The following LEPR variants were observed in gnomAD, a reference collection of about 807,000 sequenced individuals.
LEPR encodes the protein OB receptor.
Under a neutral mutation model 114.7 loss-of-function variants are expected in LEPR, and 56 were observed. The observed-to-expected ratio is 0.49, with a 90% CI of 0.39 to 0.61. The LOEUF is 0.61. Ranked by LOEUF, LEPR falls within the 20% of genes least tolerant of loss-of-function variation. LEPR has a pLI of 0.00. For missense variants in LEPR, 1,202 were observed against 1,352.9 expected, an observed-to-expected ratio of 0.89 and a Z score of 1.75; for synonymous variants, 443 against 461.4, an observed-to-expected ratio of 0.96 and a Z score of 0.51.
At chr1:65,516,704 C>T (rs1278094850) in intron 2 of LEPR, among the ~76,000 whole-genome samples, 3 of 152,152 alleles carry the variant, frequency 2.0e-5, no homozygotes, top group Admixed American at 6.5e-5. Context: ...CAACTCAGTG[C>T]GTAAGAAGGC....
At chr1:65,502,623 A>G (rs1320594138) in intron 2 of LEPR, among the ~76,000 whole-genome samples, 2 of 152,206 alleles carry the variant, frequency 1.3e-5, no homozygotes, top group African/African-American at 4.8e-5. Flanking sequence ...TAAGTGCTAC[A>G]GAGAAAAGAA....
At chr1:65,512,020 C>T (rs1301784348) in intron 2 of LEPR, among the ~76,000 whole-genome samples, 1 of 152,104 alleles carries the variant, frequency 6.6e-6, no homozygotes, top group Non-Finnish European at 1.5e-5. Context: ...AGGAAGCTTC[C>T]AATCATGGCA....
In LEPR at chr1:65,464,609, C is replaced by T. The variant is rs950443003; in HGVS notation, c.-21+39231C>T. 1.1e-4 allele frequency among the ~76,000 whole-genome samples: 16 copies of T among 152,284 alleles called. No individual in the cohort carries two copies. In the East Asian group the frequency reaches 2.9e-3, roughly 28 times the overall value. On this transcript the variant is annotated intron_variant, in intron 2 of 19. Transcript: ENST00000349533. Reference sequence around the variant, plus strand: ...AGTTTCAGAAGGAATAGTACCAGCTCCTTTTTGCACCTCTGGTAGAATTTG... The same window carrying T: ...AGTTTCAGAAGGAATAGTACCAGCTTCTTTTTGCACCTCTGGTAGAATTTG...
At chr1:65,437,889 A>T (rs1338709366) in intron 2 of LEPR, among the ~76,000 whole-genome samples, 2 of 10 alleles carry the variant, frequency 0.2, no homozygotes, top group African/African-American at 0.5. Context: ...GGCTCACTGC[A>T]AACCTTAACC....
chr1:65,628,132 GCC>G (rs1658326941), intron 19 of LEPR, among the ~76,000 whole-genome samples: 1 of 152,078 alleles, frequency 6.6e-6, no homozygotes, highest in South Asian at 2.1e-4. Context: ...ACCACTATAT[GCC>G]AGACATTGCT....
chr1:65,633,740 G>T lies in LEPR; in HGVS notation c.2674-2451G>T. On this transcript the variant is annotated intron_variant, in intron 19 of 19. Transcript: ENST00000349533. The surrounding 1 kb of genome is among the most constrained non-coding windows in gnomAD (Gnocchi z 4.1). Reference sequence around the variant, plus strand: ...CTTTTGAATATCTCCTGGCATTTTTGTATCTAACTTTGTTCAATCTGGGAA... The same window carrying T: ...CTTTTGAATATCTCCTGGCATTTTTTTATCTAACTTTGTTCAATCTGGGAA... 3 of 985,116 alleles carry T rather than the reference G, an allele frequency of 3.0e-6. No individual in the cohort carries two copies. Among genetic ancestry groups the T allele is most frequent in the Non-Finnish European group, 3.6e-6 (3 of 829,726 alleles). 61.0% of individuals were successfully genotyped at this position (985,116 alleles called of 1,614,324 possible). A position where few individuals can be genotyped will look rare whatever the true frequency, so the allele number is the denominator to read the frequency against.
intron 2 of LEPR, among the ~76,000 whole-genome samples, chr1:65,537,045 C>T (rs148419649): frequency 6.6e-6 from 1 of 152,142 alleles, no homozygotes; most frequent in East Asian, 1.9e-4. Flanking sequence ...CAGCTGCTAC[C>T]AGGCCATCGG....
intron 2 of LEPR, among the ~76,000 whole-genome samples, chr1:65,484,003 G>C (rs1320490324): frequency 1.3e-5 from 2 of 151,420 alleles, no homozygotes; most frequent in Non-Finnish European, 2.9e-5. Context: ...CAGTGGCACA[G>C]TCATAGATCA....
chr1:65,453,148 CG>C (rs1335682514), intron 2 of LEPR, among the ~76,000 whole-genome samples: 1 of 151,616 alleles, frequency 6.6e-6, no homozygotes, highest in African/African-American at 2.4e-5. Context: ...TTTTTTATTG[CG>C]TCTATTAGAT....
At chr1:65,463,738 C>T (rs1221620626) in intron 2 of LEPR, among the ~76,000 whole-genome samples, 1 of 152,190 alleles carries the variant, frequency 6.6e-6, no homozygotes, top group African/African-American at 2.4e-5. Context: ...AGGTCCTTCA[C>T]ATCCCTTGTA....
chr1:65,488,226 C>CTTTCTTTCTTTCTTTCTT lies in LEPR; in HGVS notation c.-21+62849_-21+62850insTTCTTTCTTTCTTTCTTT, dbSNP rs1165679914. ...TTTCTTTCTTTCTCTCTCTCTCTCTCTCTTTCTTTCTTTCTTTCTTTCTTT... is the reference window on the plus strand; with the variant it reads ...TTTCTTTCTTTCTCTCTCTCTCTCTCTTTCTTTCTTTCTTTCTTTCTTTCTTTCTTTCTTTCTTTCTTT... On this transcript the variant is annotated intron_variant, in intron 2 of 19. Transcript: ENST00000349533. Among the ~76,000 whole-genome samples, 180 of 67,864 alleles carry CTTTCTTTCTTTCTTTCTT rather than the reference C, an allele frequency of 2.7e-3. 4 individuals carry two copies. The highest frequency in any genetic ancestry group is 0.011 in the Middle Eastern group (1 of 94). 44.5% of individuals were successfully genotyped at this position (67,864 alleles called of 152,430 possible).
rs140750114 is a variant in LEPR, at chr1:65,564,898, A to T, written c.-20-648A>T. On this transcript the variant is annotated intron_variant, in intron 2 of 19. Coordinates refer to ENST00000349533, the MANE Select transcript of LEPR (RefSeq NM_002303.6). ...AGTAGTACAAATAATCATATTTGTG[A>T]TACTCCAACTTGAGTAGAACTCATA... Among the ~76,000 whole-genome samples the T allele has an allele frequency of 5.9e-3, 902 of 152,302 alleles. 7 individuals carry two copies. The highest frequency in any genetic ancestry group is 0.021 in the African/African-American group (868 of 41,542).
intron 10 of LEPR, among the ~76,000 whole-genome samples, chr1:65,604,349 A>G (rs977756808): frequency 7.9e-5 from 12 of 151,826 alleles, no homozygotes; most frequent in African/African-American, 2.9e-4. Flanking sequence ...ATTTAATTTA[A>G]TTTTATTTTG....
Position 65,617,983 on chromosome 1 carries a change from CA to C in LEPR, c.2233del (p.Ser745ValfsTer5), listed in dbSNP as rs1657632081. ...MSKVNIVQSL[S>X]AYPLNSSCVI... ...CCTCAGTAAATATCGTGCAGTCACT[CA>C]GTGCTTATCCTTTAAACAGCAGTTG... On this transcript the variant is annotated frameshift_variant, in exon 16 of 20. Coordinates refer to ENST00000349533, the MANE Select transcript of LEPR (RefSeq NM_002303.6). LOFTEE classifies it high-confidence loss of function. The C allele has an allele frequency of 6.8e-6, 11 of 1,610,742 alleles. No individual in the cohort carries two copies. Among genetic ancestry groups the C allele is most frequent in the Non-Finnish European group, 9.3e-6 (11 of 1,178,710 alleles).
intron 2 of LEPR, among the ~76,000 whole-genome samples, chr1:65,482,172 C>A (rs1044767537): frequency 1.3e-5 from 2 of 150,768 alleles, no homozygotes; most frequent in Non-Finnish European, 3.0e-5. Context: ...AAAATAAAGA[C>A]CTTAATGGAG....
intron 5 of LEPR, among the ~76,000 whole-genome samples, chr1:65,583,495 A>G (rs1655127259): frequency 6.6e-6 from 1 of 151,964 alleles, no homozygotes; most frequent in Admixed American, 6.6e-5. Context: ...TAGGAACTCC[A>G]GAAGAGCTAT....
At chr1:65,520,585 A>G (rs1322878354) in intron 2 of LEPR, among the ~76,000 whole-genome samples, 1 of 152,202 alleles carries the variant, frequency 6.6e-6, no homozygotes, top group Non-Finnish European at 1.5e-5. Flanking sequence ...TGCCAAGACC[A>G]GCTCGGCTGG....
chr1:65,494,881 A>AT (rs1317724203), intron 2 of LEPR, among the ~76,000 whole-genome samples: 4 of 152,018 alleles, frequency 2.6e-5, no homozygotes, highest in Non-Finnish European at 5.9e-5. Flanking sequence ...TCATAATGGC[A>AT]TTTTTTTCAC....
chr1:65,546,488 C>T (rs1651737133), intron 2 of LEPR, among the ~76,000 whole-genome samples: 1 of 152,092 alleles, frequency 6.6e-6, no homozygotes, highest in South Asian at 2.1e-4. Context: ...TTTCCTTGAG[C>T]AGTGGTTTGT....
Sources: gnomAD v4.1 joint callset for allele counts (sites outside exome capture counted in the v4.1 genomes callset) on GRCh38, gnomAD v4.1.1 for gene constraint, Gnocchi (gnomAD v3.1) non-coding constraint, MANE v1.5 for transcripts, NCBI Gene and HGNC (gene_info 2026-07-23, HGNC 2026-07-21) for gene names.